GHR: variants seen among roughly 807,000 people sequenced by gnomAD.
GHR encodes the protein GH receptor.
In GHR, 35 loss-of-function variants were observed where a neutral mutation model predicts 67.1. That is an observed-to-expected ratio of 0.52 (90% CI 0.40 to 0.69). The LOEUF is 0.69. Ranked by LOEUF, GHR falls within the 30% of genes least tolerant of loss-of-function variation. The probability of loss-of-function intolerance (pLI) is 0.00; values close to 1 mark genes in which losing one functional copy is unlikely to be tolerated. For synonymous variants in GHR, 272 were observed against 269.1 expected, an observed-to-expected ratio of 1.01 and a Z score of -0.10; for missense variants, 792 against 764.6, an observed-to-expected ratio of 1.04 and a Z score of -0.42.
chr5:42,542,387 A>C (rs1748552443), intron 1 of GHR, among the ~76,000 whole-genome samples: 1 of 152,218 alleles, frequency 6.6e-6, no homozygotes, highest in South Asian at 2.1e-4. Context: ...TGGAGATTAA[A>C]GCCTGATTTC....
At chr5:42,697,748 G>C (rs911847566) in intron 5 of GHR, among the ~76,000 whole-genome samples, 9 of 152,160 alleles carry the variant, frequency 5.9e-5, no homozygotes, top group Admixed American at 3.9e-4. Context: ...GCCTTTGGAG[G>C]GTTTTAGATG....
intron 2 of GHR, chr5:42,619,611 A>T (rs537076770): frequency 6.6e-6 from 1 of 152,258 alleles, no homozygotes; most frequent in African/African-American, 2.4e-5. Context: ...CATTGTAAGT[A>T]CTCACACACA....
At position 42,686,627 on chromosome 5, in the gene GHR, GC is replaced by G. The variant is rs372565716; in HGVS notation, c.137-2261del. ...AAAAAGCCTTCGACAAAATTCAACA[GC>G]CTTTCATGCTAAAAACTCTCAATTA... On this transcript the variant is annotated intron_variant, in intron 3 of 9. Transcript: ENST00000230882. Among the ~76,000 whole-genome samples the G allele has an allele frequency of 3.8e-4, 58 of 152,228 alleles. 1 individual carries two copies. The East Asian group carries it at 0.01, about 26-fold the overall frequency.
In GHR at chr5:42,512,276, G is replaced by T. The variant is rs575424014; in HGVS notation, c.-11-53588G>T. Among the ~76,000 whole-genome samples, 146 of 152,054 alleles carry T rather than the reference G, an allele frequency of 9.6e-4. 1 individual carries two copies. Among genetic ancestry groups the T allele is most frequent in the African/African-American group, 3.3e-3 (137 of 41,468 alleles). ...TTCTCAAGGCAGAGAATGGTGGGGGGATCCAGGAATCCACATATTCAAAGA... is the reference window on the plus strand; with the variant it reads ...TTCTCAAGGCAGAGAATGGTGGGGGTATCCAGGAATCCACATATTCAAAGA... On this transcript the variant is annotated intron_variant, in intron 1 of 9. Transcript: ENST00000230882.
intron 1 of GHR, among the ~76,000 whole-genome samples, chr5:42,443,270 T>C (rs1233761618): frequency 1.3e-5 from 2 of 152,220 alleles, no homozygotes; most frequent in Admixed American, 1.3e-4. Flanking sequence ...AATGTATTAC[T>C]TGGAACTCAG....
chr5:42,652,121 A>C (rs1357760060), intron 3 of GHR, among the ~76,000 whole-genome samples: 1 of 152,190 alleles, frequency 6.6e-6, no homozygotes, highest in African/African-American at 2.4e-5. Flanking sequence ...TATTGCATAC[A>C]TCTCACTTCC....
chr5:42,706,872 GT>G (rs1036890898), intron 6 of GHR, among the ~76,000 whole-genome samples: 26 of 151,778 alleles, frequency 1.7e-4, no homozygotes, highest in Middle Eastern at 3.2e-3. Context: ...TATTTGGGCT[GT>G]TTTTTGCTTC....
At chr5:42,533,594 T>C (rs1381686954) in intron 1 of GHR, among the ~76,000 whole-genome samples, 1 of 151,976 alleles carries the variant, frequency 6.6e-6, no homozygotes, top group East Asian at 1.9e-4. Context: ...ATGTCAACCT[T>C]TGTTTCACCC....
At chr5:42,478,891 C>G (rs7707482) in intron 1 of GHR, among the ~76,000 whole-genome samples, 70,502 of 151,916 alleles carry the variant, frequency 0.46, 16,897 homozygotes, top group Middle Eastern at 0.53. Context: ...TCTCCTGCCT[C>G]ATTGCCCTGG....
At chr5:42,607,438 T>G (rs1752681797) in intron 2 of GHR, among the ~76,000 whole-genome samples, 1 of 152,176 alleles carries the variant, frequency 6.6e-6, no homozygotes, top group Non-Finnish European at 1.5e-5. Flanking sequence ...ATTAACCAAT[T>G]TCTTAAACAT....
chr5:42,542,352 A>G (rs1329748920), intron 1 of GHR, among the ~76,000 whole-genome samples: 2 of 152,218 alleles, frequency 1.3e-5, no homozygotes, highest in Non-Finnish European at 2.9e-5. Flanking sequence ...TGGTGACTAG[A>G]GCAAAAGCTA....
intron 3 of GHR, among the ~76,000 whole-genome samples, chr5:42,665,984 T>C (rs571185866): frequency 3.9e-5 from 6 of 152,110 alleles, no homozygotes; most frequent in Non-Finnish European, 5.9e-5. Flanking sequence ...TCAATTACCT[T>C]CCACCAGCTC....
At chr5:42,682,164 C>CT (rs1756916771) in intron 3 of GHR, among the ~76,000 whole-genome samples, 1 of 152,136 alleles carries the variant, frequency 6.6e-6, no homozygotes, top group Non-Finnish European at 1.5e-5. Flanking sequence ...CAAACGATCA[C>CT]AAGAGCAGAA....
intron 1 of GHR, among the ~76,000 whole-genome samples, chr5:42,533,843 C>T (rs1312359427): frequency 6.6e-6 from 1 of 151,402 alleles, no homozygotes; most frequent in African/African-American, 2.4e-5. Context: ...CACCCTTCCC[C>T]CAAAGTCCCC....
rs150248872 is a variant in GHR, at chr5:42,510,870, C to T, written c.-11-54994C>T. Among the ~76,000 whole-genome samples, 269 of 152,288 alleles carry T rather than the reference C, an allele frequency of 1.8e-3. 1 individual carries two copies. Among genetic ancestry groups the T allele is most frequent in the African/African-American group, 6.1e-3 (252 of 41,564 alleles). ...GGAGACACCTCTGGGTGCAGGCGCT[C>T]ATCTTTAATTCCCTTAAGAGAGCTG... On this transcript the variant is annotated intron_variant, in intron 1 of 9. Coordinates refer to ENST00000230882, the MANE Select transcript of GHR (RefSeq NM_000163.5).
chr5:42,489,029 A>G (rs1746001194), intron 1 of GHR, among the ~76,000 whole-genome samples: 1 of 152,106 alleles, frequency 6.6e-6, no homozygotes, highest in African/African-American at 2.4e-5. Flanking sequence ...CTAGAGTTCC[A>G]CTTATTTCCT....
chr5:42,502,712 A>C (rs989795337), intron 1 of GHR, among the ~76,000 whole-genome samples: 1 of 151,444 alleles, frequency 6.6e-6, no homozygotes, highest in African/African-American at 2.4e-5. Flanking sequence ...TCTGCATCCA[A>C]ATTTCTTTTA....
chr5:42,694,772 G>A (rs1354616707), intron 4 of GHR, 145 bp from the exon 5 acceptor site: 2 of 711,790 alleles, frequency 2.8e-6, no homozygotes, highest in African/African-American at 3.4e-5. Flanking sequence ...GATGTGATAT[G>A]TCTCGGAAAT....
At chr5:42,686,225 C>T (rs1314260341) in intron 3 of GHR, among the ~76,000 whole-genome samples, 1 of 152,112 alleles carries the variant, frequency 6.6e-6, no homozygotes, top group Non-Finnish European at 1.5e-5. Flanking sequence ...TTGTTTTTGT[C>T]AGGTTTGTCA....
Sources: gnomAD v4.1 joint callset for allele counts (sites outside exome capture counted in the v4.1 genomes callset) on GRCh38, gnomAD v4.1.1 for gene constraint, MANE v1.5 for transcripts, NCBI Gene and HGNC (gene_info 2026-07-23, HGNC 2026-07-21) for gene names.